Variants in CYRIB observed in about 807,000 individuals in gnomAD.
CYRIB encodes the protein CYFIP-related Rac1 interactor B.
Under a neutral mutation model 44.2 loss-of-function variants are expected in CYRIB, and 8 were observed. That is an observed-to-expected ratio of 0.18 (90% CI 0.11 to 0.33). The LOEUF (loss-of-function observed/expected upper bound fraction) is 0.33. Among genes scored for constraint, CYRIB ranks in the 10% least tolerant of loss-of-function variants. The probability of loss-of-function intolerance (pLI) is 1.00; values close to 1 mark genes in which losing one functional copy is unlikely to be tolerated. For synonymous variants in CYRIB, 131 were observed against 127.2 expected, an observed-to-expected ratio of 1.03 and a Z score of -0.20; for missense variants, 185 against 382.8, an observed-to-expected ratio of 0.48 and a Z score of 4.31.
At chr8:129,980,365 C>T (rs1352465815) in intron 1 of CYRIB, among the ~76,000 whole-genome samples, 4 of 152,072 alleles carry the variant, frequency 2.6e-5, no homozygotes, top group Admixed American at 2.6e-4. Flanking sequence ...TGGTGCTTAA[C>T]ATGTTGATAA....
At chr8:129,992,680 G>A (rs2096667225) in intron 1 of CYRIB, among the ~76,000 whole-genome samples, 1 of 152,188 alleles carries the variant, frequency 6.6e-6, no homozygotes, top group South Asian at 2.1e-4. Context: ...GCAGAGCCCT[G>A]ATCACCCATT....
At chr8:129,956,148 TG>T (rs534132197) in intron 2 of CYRIB, among the ~76,000 whole-genome samples, 80 of 152,312 alleles carry the variant, frequency 5.3e-4, no homozygotes, top group Middle Eastern at 3.4e-3. Context: ...TGGAGCGCAG[TG>T]AGAATCAGAA....
At chr8:129,841,187 A>C (rs188913107) in exon 12 of CYRIB, 10 of 152,336 alleles carry the variant, frequency 6.6e-5, no homozygotes, top group Non-Finnish European at 1.3e-4. Flanking sequence ...GAAATGGAGA[A>C]TCAAGCAAGG....
At chr8:129,999,892 G>C (rs887896918) in intron 1 of CYRIB, among the ~76,000 whole-genome samples, 3 of 152,216 alleles carry the variant, frequency 2.0e-5, no homozygotes, top group Admixed American at 6.5e-5. Flanking sequence ...GCCTCCCAAA[G>C]TGTTGGGATT....
chr8:129,897,913 T>C (rs778316328), intron 2 of CYRIB, among the ~76,000 whole-genome samples: 6 of 151,914 alleles, frequency 3.9e-5, no homozygotes, highest in Non-Finnish European at 8.8e-5. Context: ...TTACAGGCAT[T>C]TGCCAATACG....
chr8:129,947,875 T>G (rs1324598842), intron 2 of CYRIB: 1 of 152,250 alleles, frequency 6.6e-6, no homozygotes, highest in Non-Finnish European at 1.5e-5. Context: ...TGTTAAAGGC[T>G]ATATAACACT....
chr8:129,913,754 A>G (rs1771553429), intron 1 of CYRIB, among the ~76,000 whole-genome samples: 1 of 152,096 alleles, frequency 6.6e-6, no homozygotes, highest in South Asian at 2.1e-4. Flanking sequence ...TAATATTAAT[A>G]CCTACCACCT....
chr8:129,885,614 C>A (rs960786728), intron 2 of CYRIB, among the ~76,000 whole-genome samples: 6 of 152,222 alleles, frequency 3.9e-5, no homozygotes, highest in Non-Finnish European at 5.9e-5. Flanking sequence ...CCACTAGATA[C>A]CCCTTATCAC....
chr8:129,845,682 T>A (rs1399905552), intron 11 of CYRIB, among the ~76,000 whole-genome samples: 2 of 152,232 alleles, frequency 1.3e-5, no homozygotes, highest in Non-Finnish European at 2.9e-5. Context: ...TGATACAGCC[T>A]ACATTTTATG....
chr8:129,985,833 CCT>C (rs535452809), intron 1 of CYRIB, among the ~76,000 whole-genome samples: 1 of 152,154 alleles, frequency 6.6e-6, no homozygotes, highest in Admixed American at 6.6e-5. Context: ...CTGAAAAGCC[CCT>C]GAGGGTGAGC....
At chr8:129,874,275 A>G (rs2058386105) in intron 3 of CYRIB, among the ~76,000 whole-genome samples, 2 of 152,062 alleles carry the variant, frequency 1.3e-5, no homozygotes, top group South Asian at 2.1e-4. Flanking sequence ...AAGCTGTTCA[A>G]GGGAAATTAA....
chr8:130,004,269 C>G (rs965479484), intron 1 of CYRIB, among the ~76,000 whole-genome samples: 11 of 152,084 alleles, frequency 7.2e-5, no homozygotes, highest in African/African-American at 2.7e-4. Context: ...CCCTCATTTT[C>G]TTTTTTATTT....
intron 2 of CYRIB, among the ~76,000 whole-genome samples, chr8:129,956,495 G>C (rs965443200): frequency 6.6e-6 from 1 of 151,594 alleles, no homozygotes; most frequent in Non-Finnish European, 1.5e-5. Flanking sequence ...GCCTCAAGAG[G>C]CAGCAAGATT....
chr8:129,904,026 T>C (rs944555088), intron 1 of CYRIB, among the ~76,000 whole-genome samples: 4 of 152,188 alleles, frequency 2.6e-5, no homozygotes, highest in African/African-American at 9.7e-5. Context: ...AGTGCTGGGA[T>C]TACAGGCATC....
chr8:129,996,303 C>T (rs1310343544), intron 1 of CYRIB, among the ~76,000 whole-genome samples: 2 of 152,168 alleles, frequency 1.3e-5, no homozygotes, highest in Admixed American at 6.5e-5. Context: ...GCAGCTCAGA[C>T]TTCCCTACAT....
intron 1 of CYRIB, among the ~76,000 whole-genome samples, chr8:130,007,621 C>G (rs1472400787): frequency 6.6e-6 from 1 of 151,930 alleles, no homozygotes; most frequent in East Asian, 1.9e-4. Context: ...CCTGTCGCTA[C>G]TAAAAATACA....
intron 2 of CYRIB, among the ~76,000 whole-genome samples, chr8:129,960,649 GAAA>G (rs746019281): frequency 6.9e-5 from 2 of 29,084 alleles, no homozygotes; most frequent in South Asian, 2.3e-3. Context: ...TCTGTCTCAA[GAAA>G]AAAAAAAAAA....
At chr8:129,857,990 G>C (rs1406172544) in intron 5 of CYRIB, among the ~76,000 whole-genome samples, 1 of 152,230 alleles carries the variant, frequency 6.6e-6, no homozygotes, top group Non-Finnish European at 1.5e-5. Flanking sequence ...AGTAGTTGCA[G>C]AACTTTTGTC....
In CYRIB at chr8:129,937,881, T is replaced by TTCTC. The variant is rs35554242; in HGVS notation, c.-50+1723_-50+1726dup. On this transcript the variant is annotated intron_variant, in intron 1 of 11. Transcript: ENST00000519824. ...AGCAAAACTGTTCTGCAAATACACA[T>TTCTC]TCTCTCTCTCTCTCTCTCTCTCTCA... 5.2e-3 allele frequency among the ~76,000 whole-genome samples: 769 copies of TTCTC among 147,676 alleles called. 7 individuals are homozygous for TTCTC. Among genetic ancestry groups the TTCTC allele is most frequent in the African/African-American group, 0.017 (672 of 40,496 alleles).
Sources: allele counts gnomAD v4.1 joint callset (sites outside exome capture counted in the v4.1 genomes callset), GRCh38; gene constraint gnomAD v4.1.1; transcripts MANE v1.5; gene names NCBI Gene and HGNC (gene_info 2026-07-23, HGNC 2026-07-21).